Variants in WDR17 observed in about 807,000 individuals in gnomAD.
WDR17 encodes the protein WD repeat domain 17, also known as WD repeat-containing protein 17.
In WDR17, 143 loss-of-function variants were observed where a neutral mutation model predicts 161.7. The observed-to-expected ratio is 0.88, with a 90% confidence interval of 0.77 to 1.02. WDR17 has a LOEUF of 1.02. Ranked by LOEUF, WDR17 falls within the 50% of genes least tolerant of loss-of-function variation. The pLI, the probability that WDR17 is intolerant of heterozygous loss-of-function variation, is 0.00. For missense variants in WDR17, 1,469 were observed against 1,520.9 expected, an observed-to-expected ratio of 0.97 and a Z score of 0.57; for synonymous variants, 517 against 515.6, an observed-to-expected ratio of 1.00 and a Z score of -0.04.
intron 5 of WDR17, among the ~76,000 whole-genome samples, chr4:176,127,825 G>A (rs1742705017): frequency 6.6e-6 from 1 of 152,076 alleles, no homozygotes; most frequent in African/African-American, 2.4e-5. Flanking sequence ...ACACACATGT[G>A]CAAGCATAAA....
At chr4:176,096,534 T>C in intron 1 of WDR17, 5 of 1,601,838 alleles carry the variant, frequency 3.1e-6, no homozygotes, top group Non-Finnish European at 4.3e-6. Context: ...CTTGGATGAC[T>C]TACATTTCAA....
Position 176,181,448 on chromosome 4 carries a change from C to T in WDR17, c.*1869C>T. On this transcript the variant is annotated 3_prime_UTR_variant, in exon 29 of 29. Transcript: ENST00000508596. The stretch of plus-strand genomic sequence containing the variant: ...CACTACTGCACTCCAGCCTGGGCGA[C>T]AGAGCAAGACCACCATCTCCAAAAA... 4.8e-6 allele frequency: 1 copy of T among 208,526 alleles called. No individual in the cohort carries two copies. The highest frequency in any genetic ancestry group is 9.4e-6 in the Non-Finnish European group (1 of 106,768). 12.9% of individuals were successfully genotyped at this position (208,526 alleles called of 1,614,324 possible).
chr4:176,079,442 A>G (rs1734467959), intron 1 of WDR17, among the ~76,000 whole-genome samples: 1 of 152,184 alleles, frequency 6.6e-6, no homozygotes, highest in Non-Finnish European at 1.5e-5. Context: ...TTGGAAAAAT[A>G]AAACCCAGTT....
chr4:176,149,982 GT>G (rs1269150186), intron 14 of WDR17, 26 bp downstream of exon 14: 1 of 1,610,024 alleles, frequency 6.2e-7, no homozygotes, highest in Non-Finnish European at 8.5e-7. Context: ...ATGTATTAGA[GT>G]TTATTTCTAA....
intron 1 of WDR17, among the ~76,000 whole-genome samples, chr4:176,084,258 G>T (rs542499970): frequency 1.3e-5 from 2 of 152,128 alleles, no homozygotes; most frequent in African/African-American, 2.4e-5. Context: ...ATTTGGTTCG[G>T]GTCTCAGGCT....
At chr4:176,089,663 T>C (rs900630520) in intron 1 of WDR17, among the ~76,000 whole-genome samples, 28 of 152,146 alleles carry the variant, frequency 1.8e-4, no homozygotes, top group African/African-American at 6.8e-4. Context: ...GAGTGTAGTA[T>C]ATATGAGTGT....
intron 16 of WDR17, among the ~76,000 whole-genome samples, 188 bp downstream of exon 16, chr4:176,150,781 A>T (rs773784520): frequency 6.6e-6 from 1 of 152,216 alleles, no homozygotes; most frequent in Non-Finnish European, 1.5e-5. Context: ...TAAGTCAATC[A>T]TGGTTATCAT....
intron 18 of WDR17, among the ~76,000 whole-genome samples, chr4:176,158,032 G>A (rs1395025543): frequency 6.6e-6 from 1 of 152,150 alleles, no homozygotes; most frequent in East Asian, 1.9e-4. Context: ...GAAAAGGTAG[G>A]CCCAAGCTGG....
chr4:176,066,890 CA>C (rs1276270366), intron 1 of WDR17, among the ~76,000 whole-genome samples: 1 of 152,014 alleles, frequency 6.6e-6, no homozygotes, highest in Non-Finnish European at 1.5e-5. Context: ...ACGAAACGGC[CA>C]AAGCCCAACA....
At chr4:176,137,654 C>T in intron 9 of WDR17, 43 bp downstream of exon 9, 1 of 1,177,400 alleles carries the variant, frequency 8.5e-7, no homozygotes, top group Non-Finnish European at 1.2e-6. Context: ...ATGTTTTATA[C>T]TATTTTGTAT....
At chr4:176,116,473 T>C (rs1422016775) in intron 3 of WDR17, among the ~76,000 whole-genome samples, 1 of 142,934 alleles carries the variant, frequency 7.0e-6, no homozygotes, top group East Asian at 2.0e-4. Context: ...ATAATAGCAT[T>C]ATACTCTTTC....
chr4:176,130,572 G>A (rs551208261), intron 6 of WDR17, among the ~76,000 whole-genome samples: 62 of 149,318 alleles, frequency 4.2e-4, no homozygotes, highest in East Asian at 9.8e-4. Context: ...GTGAAACCCT[G>A]TCTCTACTAA....
chr4:176,094,799 T>C (rs891073652), intron 1 of WDR17, among the ~76,000 whole-genome samples: 6 of 152,126 alleles, frequency 3.9e-5, no homozygotes, highest in African/African-American at 1.4e-4. Flanking sequence ...TCAAAGATGA[T>C]TTGATATTTT....
chr4:176,148,040 A>G, intron 12 of WDR17, 93 bp from the exon 13 acceptor site: 10 of 1,079,970 alleles, frequency 9.3e-6, no homozygotes, highest in Non-Finnish European at 1.3e-5. Flanking sequence ...TAGATAAGCT[A>G]ACAAATAATT....
chr4:176,175,519 C>T lies in WDR17; in HGVS notation c.3449+801C>T, dbSNP rs1179832417. Among the ~76,000 whole-genome samples the T allele has an allele frequency of 2.0e-5, 3 of 148,802 alleles. No homozygotes were observed. In the East Asian group the frequency reaches 6.1e-4, roughly 30 times the overall value. ...ACCATTTTAACAAATGCAGAGGGTC[C>T]GTGGTTAAGCAGTCTTTTATTTGTT... On this transcript the variant is annotated intron_variant, in intron 26 of 28. Transcript: ENST00000508596.
chr4:176,181,706 T>G lies in WDR17; in HGVS notation c.*2127T>G, dbSNP rs1011280758. 3.3e-5 allele frequency: 5 copies of G among 152,980 alleles called. No individual in the cohort carries two copies. Among genetic ancestry groups the G allele is most frequent in the Non-Finnish European group, 5.8e-5 (4 of 68,396 alleles). 9.5% of individuals were successfully genotyped at this position (152,980 alleles called of 1,614,324 possible). On this transcript the variant is annotated 3_prime_UTR_variant, in exon 29 of 29. Coordinates refer to ENST00000508596, the MANE Select transcript of WDR17 (RefSeq NM_181265.4). ...GTCATTCTTTTTATTTTAAAATAAATAAATAAGCCTATCTTTTTGTGCTTA... is the reference window on the plus strand; with the variant it reads ...GTCATTCTTTTTATTTTAAAATAAAGAAATAAGCCTATCTTTTTGTGCTTA...
rs568146388 is a variant in WDR17, at chr4:176,155,927, C to A, written c.2461-152C>A. On this transcript the variant is annotated intron_variant, in intron 17 of 28. Coordinates refer to ENST00000508596, the MANE Select transcript of WDR17 (RefSeq NM_181265.4). ...AAAGATTTTTTTTAAGACTACGGAACAAAAAGAAGTCAGAAAGTACCAAAT... is the reference window on the plus strand; with the variant it reads ...AAAGATTTTTTTTAAGACTACGGAAAAAAAAGAAGTCAGAAAGTACCAAAT... 3 of 642,648 alleles carry A rather than the reference C, an allele frequency of 4.7e-6. No homozygotes were observed. The East Asian group carries it at 1.1e-4, about 23-fold the overall frequency. 39.8% of individuals were successfully genotyped at this position (642,648 alleles called of 1,614,324 possible). A position where few individuals can be genotyped will look rare whatever the true frequency, so the allele number is the denominator to read the frequency against.
At chr4:176,111,485 A>G in intron 1 of WDR17, 90 bp from the exon 2 acceptor site, 1 of 1,383,266 alleles carries the variant, frequency 7.2e-7, no homozygotes, top group Non-Finnish European at 9.6e-7. Flanking sequence ...CAGGGCACAC[A>G]GGTAAGGGTT....
intron 16 of WDR17, 99 bp from the exon 17 acceptor site, chr4:176,151,713 G>T (rs867340766): frequency 3.7e-6 from 4 of 1,069,062 alleles, no homozygotes; most frequent in Admixed American, 3.0e-5. Flanking sequence ...TTTCAATTCC[G>T]CTCTATTAGT....
Sources: gnomAD v4.1 joint callset for allele counts (sites outside exome capture counted in the v4.1 genomes callset) on GRCh38, gnomAD v4.1.1 for gene constraint, MANE v1.5 for transcripts, NCBI Gene and HGNC (gene_info 2026-07-23, HGNC 2026-07-21) for gene names.